HMGA2: variants seen among roughly 807,000 people sequenced by gnomAD.
HMGA2 encodes the protein high mobility group protein HMGI-C.
In HMGA2, 8 loss-of-function variants were observed where a neutral mutation model predicts 19.1. The ratio of observed to expected loss-of-function variants is 0.42; its 90% CI spans 0.25 to 0.76. The LOEUF (loss-of-function observed/expected upper bound fraction) is 0.76. HMGA2 is among the 30% of genes least tolerant of loss of function. The probability of loss-of-function intolerance (pLI) is 0.28; values close to 1 mark genes in which losing one functional copy is unlikely to be tolerated. For synonymous variants in HMGA2, 60 were observed against 48.8 expected, an observed-to-expected ratio of 1.23 and a Z score of -0.96; for missense variants, 109 against 136.3, an observed-to-expected ratio of 0.80 and a Z score of 1.00.
At chr12:65,958,393 T>A (rs951492411) in intron 4 of HMGA2, 5 of 152,380 alleles carry the variant, frequency 3.3e-5, no homozygotes, top group Admixed American at 2.0e-4. Context: ...TGTTTATATA[T>A]GTTCCATTTA....
At chr12:65,903,114 G>A (rs1331470857) in intron 3 of HMGA2, among the ~76,000 whole-genome samples, 1 of 152,108 alleles carries the variant, frequency 6.6e-6, no homozygotes, top group Non-Finnish European at 1.5e-5. Flanking sequence ...ACCAGGATAT[G>A]AGATGTCACT....
At chr12:65,963,221 G>A (rs754611627) in intron 4 of HMGA2, 24 bp from the exon 5 acceptor site, 1 of 1,612,656 alleles carries the variant, frequency 6.2e-7, no homozygotes, top group South Asian at 1.1e-5. Flanking sequence ...TGAGCGTCAT[G>A]GCTGTGCCCT....
intron 3 of HMGA2, among the ~76,000 whole-genome samples, chr12:65,890,885 G>A (rs995335289): frequency 6.6e-6 from 1 of 151,910 alleles, no homozygotes; most frequent in Non-Finnish European, 1.5e-5. Context: ...CACCGTGCCC[G>A]GCTTTTTTTG....
At chr12:65,929,598 A>G (rs1403211037) in intron 3 of HMGA2, among the ~76,000 whole-genome samples, 2 of 152,050 alleles carry the variant, frequency 1.3e-5, no homozygotes, top group African/African-American at 4.8e-5. Context: ...CTTAAGCTAG[A>G]AGGGCACTTG....
At chr12:65,913,102 G>A (rs1874914910) in intron 3 of HMGA2, among the ~76,000 whole-genome samples, 1 of 152,180 alleles carries the variant, frequency 6.6e-6, no homozygotes, top group Non-Finnish European at 1.5e-5. Context: ...AAACAAAAAG[G>A]TTTTAATTAA....
chr12:65,927,994 A>G (rs1200966283), intron 3 of HMGA2, among the ~76,000 whole-genome samples: 1 of 149,434 alleles, frequency 6.7e-6, no homozygotes, highest in African/African-American at 2.4e-5. Context: ...TGTATATATT[A>G]TATATTTTAT....
At chr12:65,828,489 A>G in intron 2 of HMGA2, 1 of 227,304 alleles carries the variant, frequency 4.4e-6, no homozygotes, top group South Asian at 6.2e-5. Context: ...TCCTCTGAAA[A>G]ATGATAAAGA....
intron 3 of HMGA2, among the ~76,000 whole-genome samples, chr12:65,840,239 TA>T (rs1181191032): frequency 1.3e-5 from 2 of 152,170 alleles, no homozygotes; most frequent in Non-Finnish European, 2.9e-5. Flanking sequence ...CTTAATAGTG[TA>T]AAAAAACTAT....
chr12:65,873,208 A>G (rs1189222444), intron 3 of HMGA2, among the ~76,000 whole-genome samples: 9 of 152,152 alleles, frequency 5.9e-5, no homozygotes, highest in Admixed American at 5.9e-4. Context: ...CTATCTTTGT[A>G]TTTTCAATAC....
At chr12:65,866,206 T>A (rs1252970260) in intron 3 of HMGA2, among the ~76,000 whole-genome samples, 1 of 152,184 alleles carries the variant, frequency 6.6e-6, no homozygotes, top group Admixed American at 6.5e-5. Context: ...GTGCTAGATA[T>A]TTGGAGAGAC....
chr12:65,885,799 G>T (rs1046157050), intron 3 of HMGA2, among the ~76,000 whole-genome samples: 4 of 152,154 alleles, frequency 2.6e-5, no homozygotes, highest in African/African-American at 9.7e-5. Context: ...ATGACTTTGA[G>T]AGTCAGATTT....
At chr12:65,882,373 C>A (rs1873461664) in intron 3 of HMGA2, among the ~76,000 whole-genome samples, 1 of 152,184 alleles carries the variant, frequency 6.6e-6, no homozygotes, top group East Asian at 1.9e-4. Flanking sequence ...CCCAGGGAGG[C>A]CCCAGCCACA....
chr12:65,909,005 T>C (rs1348089404), intron 3 of HMGA2, among the ~76,000 whole-genome samples: 1 of 152,248 alleles, frequency 6.6e-6, no homozygotes, highest in Non-Finnish European at 1.5e-5. Context: ...TAGGAAATTG[T>C]AGCTTAGCAA....
chr12:65,910,618 G>A lies in HMGA2; in HGVS notation c.250-40765G>A, dbSNP rs141526453. On this transcript the variant is annotated intron_variant, in intron 3 of 4. Coordinates refer to ENST00000403681, the MANE Select transcript of HMGA2 (RefSeq NM_003483.6). ...CTGCATGCATTTCTCTCTGTTCGGTGTCTGTGGTCCCTGAGTTTTCATGAC... is the reference window on the plus strand; with the variant it reads ...CTGCATGCATTTCTCTCTGTTCGGTATCTGTGGTCCCTGAGTTTTCATGAC... Among the ~76,000 whole-genome samples, 323 of 152,282 alleles carry A rather than the reference G, an allele frequency of 2.1e-3. 1 individual carries two copies. Among genetic ancestry groups the A allele is most frequent in the Middle Eastern group, 0.017 (5 of 294 alleles).
chr12:65,896,763 T>G (rs984004494), intron 3 of HMGA2, among the ~76,000 whole-genome samples: 1 of 152,222 alleles, frequency 6.6e-6, no homozygotes, highest in Non-Finnish European at 1.5e-5. Context: ...TCTTAATTGA[T>G]TAAACGTTGG....
At chr12:65,914,104 A>T (rs1490807630) in intron 3 of HMGA2, among the ~76,000 whole-genome samples, 5 of 152,098 alleles carry the variant, frequency 3.3e-5, no homozygotes, top group Middle Eastern at 3.2e-3. Flanking sequence ...AGGGATCTAG[A>T]ACTAGAAATA....
chr12:65,957,939 A>G (rs1040148490), intron 4 of HMGA2: 5 of 152,374 alleles, frequency 3.3e-5, no homozygotes, highest in African/African-American at 1.2e-4. Context: ...AGAAATAATC[A>G]CAGAATGAGT....
At chr12:65,905,916 T>A (rs1874572241) in intron 3 of HMGA2, among the ~76,000 whole-genome samples, 2 of 152,202 alleles carry the variant, frequency 1.3e-5, no homozygotes, top group South Asian at 4.1e-4. Context: ...ATATGTATTA[T>A]ACCTTGTGTA....
At chr12:65,923,450 G>T (rs1200697664) in intron 3 of HMGA2, among the ~76,000 whole-genome samples, 1 of 152,222 alleles carries the variant, frequency 6.6e-6, no homozygotes, top group Non-Finnish European at 1.5e-5. Flanking sequence ...GTTACATTCA[G>T]ACTATTGTCA....
Sources: allele counts gnomAD v4.1 joint callset (sites outside exome capture counted in the v4.1 genomes callset), GRCh38; gene constraint gnomAD v4.1.1; transcripts MANE v1.5; gene names NCBI Gene and HGNC (gene_info 2026-07-23, HGNC 2026-07-21).